Variants in MAN1A1 observed in about 807,000 individuals in gnomAD.
The protein encoded by MAN1A1 is mannosidase alpha class 1A member 1, also known as mannosyl-oligosaccharide 1,2-alpha-mannosidase IA.
In MAN1A1, 29 loss-of-function variants were observed where a neutral mutation model predicts 70.8. That is an observed-to-expected ratio of 0.41 (90% CI 0.31 to 0.56). The LOEUF (loss-of-function observed/expected upper bound fraction) is 0.56. MAN1A1 is among the 20% of genes least tolerant of loss of function. The probability of loss-of-function intolerance (pLI) is 0.29; values close to 1 mark genes in which losing one functional copy is unlikely to be tolerated. For synonymous variants in MAN1A1, 349 were observed against 330.1 expected (o/e 1.06, Z -0.62); for missense variants, 747 against 841.3 (o/e 0.89, Z 1.39).
chr6:119,194,979 CCCA>C (rs1195950036), intron 8 of MAN1A1, among the ~76,000 whole-genome samples: 5 of 151,866 alleles, frequency 3.3e-5, no homozygotes, highest in Non-Finnish European at 7.4e-5. Flanking sequence ...ATTACAGGAG[CCCA>C]CCACCACACC....
At chr6:119,210,913 G>T in intron 6 of MAN1A1, 2 of 455,894 alleles carry the variant, frequency 4.4e-6, no homozygotes, top group Non-Finnish European at 8.8e-6. Context: ...CATAGCCCTT[G>T]GGATATTGCA....
chr6:119,215,913 CTTG>C (rs1160708622), intron 6 of MAN1A1, among the ~76,000 whole-genome samples: 1 of 152,138 alleles, frequency 6.6e-6, no homozygotes, highest in Admixed American at 6.5e-5. Flanking sequence ...TTTAGACTGG[CTTG>C]TTGTGAAGAA....
At chr6:119,216,180 T>C (rs1774195966) in intron 6 of MAN1A1, among the ~76,000 whole-genome samples, 1 of 152,166 alleles carries the variant, frequency 6.6e-6, no homozygotes, top group Non-Finnish European at 1.5e-5. Flanking sequence ...CTAAGTGCAG[T>C]GGAAAAGCAT....
At chr6:119,233,003 G>C (rs1040032368) in intron 6 of MAN1A1, among the ~76,000 whole-genome samples, 1 of 151,934 alleles carries the variant, frequency 6.6e-6, no homozygotes, top group Non-Finnish European at 1.5e-5. Context: ...TCCATTTTTT[G>C]AAACTTCTTT....
chr6:119,300,375 C>T (rs1187847261), intron 4 of MAN1A1, among the ~76,000 whole-genome samples: 2 of 151,862 alleles, frequency 1.3e-5, no homozygotes, highest in Admixed American at 6.6e-5. Flanking sequence ...CCTGCCTCAG[C>T]CTCCTGAGTA....
intron 5 of MAN1A1, among the ~76,000 whole-genome samples, chr6:119,277,428 T>C (rs1776096238): frequency 6.6e-6 from 1 of 152,216 alleles, no homozygotes; most frequent in Admixed American, 6.5e-5. Context: ...GGACTTCCTT[T>C]AGAAGGCACC....
intron 5 of MAN1A1, among the ~76,000 whole-genome samples, chr6:119,285,994 G>C (rs1415202444): frequency 6.6e-6 from 1 of 152,154 alleles, no homozygotes; most frequent in Non-Finnish European, 1.5e-5. Context: ...TCCATCCAAA[G>C]CCCAGATGAT....
intron 8 of MAN1A1, among the ~76,000 whole-genome samples, chr6:119,200,506 C>T (rs1773687669): frequency 6.6e-6 from 1 of 151,912 alleles, no homozygotes; most frequent in Non-Finnish European, 1.5e-5. Flanking sequence ...AAGAAAAAAC[C>T]CAAATTAGAG....
chr6:119,206,519 A>C (rs1046036653), intron 6 of MAN1A1, among the ~76,000 whole-genome samples: 1 of 152,230 alleles, frequency 6.6e-6, no homozygotes, highest in South Asian at 2.1e-4. Context: ...TATACAGTAC[A>C]TCTAAGAAAA....
At chr6:119,222,425 C>T (rs1156229574) in intron 6 of MAN1A1, among the ~76,000 whole-genome samples, 1 of 149,364 alleles carries the variant, frequency 6.7e-6, no homozygotes, top group Non-Finnish European at 1.5e-5. Context: ...CTCTTGGGCT[C>T]AAGCAATCCT....
intron 6 of MAN1A1, among the ~76,000 whole-genome samples, chr6:119,210,109 C>T (rs1001648961): frequency 1.3e-5 from 2 of 152,170 alleles, no homozygotes; most frequent in African/African-American, 4.8e-5. Flanking sequence ...GCTGTTCTTA[C>T]ATCTGACTAC....
intron 11 of MAN1A1, among the ~76,000 whole-genome samples, chr6:119,185,751 T>C (rs2114927983): frequency 6.6e-6 from 1 of 152,124 alleles, no homozygotes; most frequent in South Asian, 2.1e-4. Flanking sequence ...TAATTTTTTT[T>C]TGTACTTTTA....
chr6:119,185,879 C>T (rs1773277503), intron 11 of MAN1A1, among the ~76,000 whole-genome samples: 1 of 138,560 alleles, frequency 7.2e-6, no homozygotes, highest in Non-Finnish European at 1.5e-5. Context: ...TATAAATCTA[C>T]TAAAAGAACA....
intron 5 of MAN1A1, among the ~76,000 whole-genome samples, chr6:119,277,936 CAAAAAA>C (rs58837799): frequency 0.012 from 276 of 23,136 alleles, 1 homozygote; most frequent in Non-Finnish European, 0.017. Flanking sequence ...GACTCCATCT[CAAAAAA>C]AAAAAAAAAA....
At chr6:119,284,251 C>A (rs1219832301) in intron 5 of MAN1A1, among the ~76,000 whole-genome samples, 2 of 152,134 alleles carry the variant, frequency 1.3e-5, no homozygotes, top group Non-Finnish European at 2.9e-5. Flanking sequence ...TGGAGCACAT[C>A]TCTCACGGTT....
At chr6:119,306,002 G>A (rs1772514991) in intron 3 of MAN1A1, among the ~76,000 whole-genome samples, 2 of 152,156 alleles carry the variant, frequency 1.3e-5, no homozygotes, top group Non-Finnish European at 2.9e-5. Flanking sequence ...CCTATAAAAT[G>A]TATATTTTAA....
At chr6:119,191,928 ACT>A (rs1282099631) in intron 9 of MAN1A1, among the ~76,000 whole-genome samples, 2 of 152,194 alleles carry the variant, frequency 1.3e-5, no homozygotes, top group Non-Finnish European at 2.9e-5. Flanking sequence ...AGACAATGCT[ACT>A]TCTCAAAACA....
chr6:119,227,174 A>G (rs1257873833), intron 6 of MAN1A1, among the ~76,000 whole-genome samples: 2 of 152,232 alleles, frequency 1.3e-5, no homozygotes, highest in African/African-American at 4.8e-5. Context: ...TATACAGCAG[A>G]GTACATATTG....
chr6:119,243,740 T>C (rs1457035905), intron 6 of MAN1A1, among the ~76,000 whole-genome samples: 1 of 152,116 alleles, frequency 6.6e-6, no homozygotes, highest in Admixed American at 6.6e-5. Context: ...TGACATCGTA[T>C]GTATTTTCAT....
Sources: allele counts gnomAD v4.1 joint callset (sites outside exome capture counted in the v4.1 genomes callset), GRCh38; gene constraint gnomAD v4.1.1; transcripts MANE v1.5; gene names NCBI Gene and HGNC (gene_info 2026-07-23, HGNC 2026-07-21).